Variants in IL1RAPL1 observed in about 807,000 individuals in gnomAD.
IL1RAPL1 encodes interleukin-1 receptor accessory protein-like 1.
IL1RAPL1 carries 3 observed loss-of-function variants against 48.4 expected under a neutral mutation model. The observed-to-expected ratio is 0.06, with a 90% CI of 0.03 to 0.16. IL1RAPL1 has a LOEUF of 0.16. IL1RAPL1 is among the 10% of genes least tolerant of loss of function. IL1RAPL1 has a pLI of 1.00. For missense variants in IL1RAPL1, 349 were observed against 530.6 expected (o/e 0.66, Z 3.36); for synonymous variants, 185 against 187.7 (o/e 0.99, Z 0.12).
chrX:29,782,684 C>T (rs1929375489), intron 6 of IL1RAPL1, among the ~76,000 whole-genome samples: 1 of 110,393 alleles, frequency 9.1e-6, no homozygotes, highest in African/African-American at 3.3e-5. Context: ...GGTCATTTAG[C>T]TGATTCTTGG....
intron 1 of IL1RAPL1, among the ~76,000 whole-genome samples, chrX:28,648,061 T>C (rs1477304146): frequency 9.0e-6 from 1 of 111,615 alleles, no homozygotes; most frequent in Non-Finnish European, 1.9e-5. Flanking sequence ...TTCCCCTTAC[T>C]CTCCACATTC....
intron 6 of IL1RAPL1, among the ~76,000 whole-genome samples, chrX:29,761,424 T>G (rs940937556): frequency 8.9e-6 from 1 of 111,969 alleles, no homozygotes; most frequent in Non-Finnish European, 1.9e-5. Flanking sequence ...CTCGCCAGCA[T>G]TTCTTCAATC....
intron 1 of IL1RAPL1, among the ~76,000 whole-genome samples, chrX:28,730,968 T>A (rs1488341022): frequency 9.0e-6 from 1 of 111,319 alleles, no homozygotes; most frequent in Non-Finnish European, 1.9e-5. Context: ...ACTTTAAGGG[T>A]TGGAAAAATG....
At chrX:29,020,013 T>C (rs187602785) in intron 2 of IL1RAPL1, among the ~76,000 whole-genome samples, 2 of 112,375 alleles carry the variant, frequency 1.8e-5, no homozygotes, top group East Asian at 5.6e-4. Flanking sequence ...TTATGTCAAG[T>C]GAGGAGAACG....
intron 5 of IL1RAPL1, among the ~76,000 whole-genome samples, chrX:29,476,349 G>A (rs1194893257): frequency 8.9e-6 from 1 of 111,836 alleles, no homozygotes; most frequent in Non-Finnish European, 1.9e-5. Flanking sequence ...AGTATTTTGT[G>A]AATGGCATCA....
intron 6 of IL1RAPL1, among the ~76,000 whole-genome samples, chrX:29,827,089 C>T (rs1311810641): frequency 8.9e-6 from 1 of 111,983 alleles, no homozygotes; most frequent in Non-Finnish European, 1.9e-5. Context: ...GGTTTTGATT[C>T]GCATGTCCTT....
At chrX:28,889,782 C>T (rs754816110) in intron 2 of IL1RAPL1, among the ~76,000 whole-genome samples, 5 of 110,930 alleles carry the variant, frequency 4.5e-5, no homozygotes, top group South Asian at 7.6e-4. Flanking sequence ...TTTCTTACAG[C>T]GAATTTACAA....
intron 6 of IL1RAPL1, among the ~76,000 whole-genome samples, chrX:29,862,675 G>A (rs1252750355): frequency 2.7e-5 from 3 of 110,032 alleles, no homozygotes; most frequent in Admixed American, 9.7e-5. Flanking sequence ...TTTTCTTTTC[G>A]TAAAGCATCT....
intron 2 of IL1RAPL1, among the ~76,000 whole-genome samples, chrX:29,008,447 A>AT (rs1926042360): frequency 8.9e-6 from 1 of 111,865 alleles, no homozygotes; most frequent in Admixed American, 9.4e-5. Flanking sequence ...AAGTGTTGGG[A>AT]TTACAGGCGT....
intron 1 of IL1RAPL1, among the ~76,000 whole-genome samples, chrX:28,768,755 C>CTCTATATATA (rs1364972830): frequency 2.9e-5 from 1 of 34,875 alleles, no homozygotes; most frequent in Non-Finnish European, 4.8e-5. Flanking sequence ...CTCTCTCTCT[C>CTCTATATATA]TATATATATA....
intron 2 of IL1RAPL1, among the ~76,000 whole-genome samples, chrX:29,265,005 C>T (rs896033404): frequency 1.1e-4 from 12 of 111,452 alleles, no homozygotes; most frequent in Admixed American, 1.9e-4. Context: ...CTCCGCCTCC[C>T]GGGTTCAAGC....
chrX:28,981,446 A>G (rs769091453), intron 2 of IL1RAPL1, among the ~76,000 whole-genome samples: 2 of 111,444 alleles, frequency 1.8e-5, no homozygotes, highest in Non-Finnish European at 3.8e-5. Context: ...ATTATGCCAT[A>G]CTACCTCTAA....
At chrX:28,776,683 T>C (rs1936365452) in intron 1 of IL1RAPL1, among the ~76,000 whole-genome samples, 1 of 111,891 alleles carries the variant, frequency 8.9e-6, no homozygotes, top group Admixed American at 9.6e-5. Flanking sequence ...ACATAGAACC[T>C]AATTTTCTAG....
chrX:28,958,627 C>G, intron 2 of IL1RAPL1, among the ~76,000 whole-genome samples: 1 of 111,143 alleles, frequency 9.0e-6, no homozygotes, highest in Admixed American at 9.6e-5. Flanking sequence ...ATTTTTTAAA[C>G]AGTTTGTCTA....
At chrX:29,090,768 A>G (rs1378200186) in intron 2 of IL1RAPL1, among the ~76,000 whole-genome samples, 1 of 112,236 alleles carries the variant, frequency 8.9e-6, no homozygotes, top group Admixed American at 9.5e-5. Flanking sequence ...GTGGAAAATT[A>G]GAATATGTTG....
intron 2 of IL1RAPL1, among the ~76,000 whole-genome samples, chrX:29,219,474 A>G (rs774428371): frequency 2.0e-4 from 22 of 111,325 alleles, no homozygotes; most frequent in South Asian, 3.8e-4. Context: ...TTATTATAGT[A>G]CAGTATGATA....
At chrX:29,944,824 T>A (rs1450856616) in intron 9 of IL1RAPL1, among the ~76,000 whole-genome samples, 2 of 111,219 alleles carry the variant, frequency 1.8e-5, no homozygotes, top group South Asian at 3.8e-4. Flanking sequence ...AAGGCGTAGA[T>A]CCTTGTCATG....
At chrX:28,834,863 T>A (rs1015603539) in intron 2 of IL1RAPL1, among the ~76,000 whole-genome samples, 8 of 111,596 alleles carry the variant, frequency 7.2e-5, no homozygotes, top group African/African-American at 2.6e-4. Context: ...TGCCTGCTAC[T>A]TCCTAATAGT....
At chrX:29,655,063 A>G (rs749153080) in intron 5 of IL1RAPL1, among the ~76,000 whole-genome samples, 2 of 111,529 alleles carry the variant, frequency 1.8e-5, no homozygotes, top group South Asian at 7.5e-4. Flanking sequence ...CTCAAATTGT[A>G]TGTCATCATT....
Sources: gnomAD v4.1 joint callset for allele counts (sites outside exome capture counted in the v4.1 genomes callset) on GRCh38, gnomAD v4.1.1 for gene constraint, MANE v1.5 for transcripts, NCBI Gene and HGNC (gene_info 2026-07-23, HGNC 2026-07-21) for gene names.